MAGI2: variants seen among roughly 807,000 people sequenced by gnomAD.
MAGI2 encodes the protein membrane associated guanylate kinase, WW and PDZ domain containing 2, also known as membrane-associated guanylate kinase, WW and PDZ domain-containing protein 2.
A neutral mutation model predicts 133.3 loss-of-function variants in MAGI2; 35 were observed. The ratio of observed to expected loss-of-function variants is 0.26; its 90% CI spans 0.20 to 0.35. MAGI2 has a LOEUF of 0.35. Ranked by LOEUF, MAGI2 falls within the 10% of genes least tolerant of loss-of-function variation. The pLI is 1.00. For missense variants in MAGI2, 1,636 were observed against 1,863.4 expected, an observed-to-expected ratio of 0.88 and a Z score of 2.25; for synonymous variants, 729 against 710.6, an observed-to-expected ratio of 1.03 and a Z score of -0.41.
intron 1 of MAGI2, among the ~76,000 whole-genome samples, chr7:79,390,135 A>G (rs1056144734): frequency 1.3e-5 from 2 of 152,192 alleles, no homozygotes; most frequent in African/African-American, 4.8e-5. Flanking sequence ...GGAGTTTCCC[A>G]TATGGCCACC....
At chr7:78,556,813 G>T (rs1164245816) in intron 3 of MAGI2, among the ~76,000 whole-genome samples, 2 of 152,096 alleles carry the variant, frequency 1.3e-5, no homozygotes, top group African/African-American at 4.8e-5. Context: ...TTGCCGCCGG[G>T]CATGGTGGCT....
At chr7:78,212,526 C>T (rs970742426) in intron 10 of MAGI2, among the ~76,000 whole-genome samples, 1 of 152,216 alleles carries the variant, frequency 6.6e-6, no homozygotes, top group Non-Finnish European at 1.5e-5. Context: ...TCTCTTCTAA[C>T]AACTACAGAA....
intron 9 of MAGI2, among the ~76,000 whole-genome samples, chr7:78,272,822 G>A (rs977639424): frequency 1.3e-5 from 2 of 151,980 alleles, no homozygotes; most frequent in Admixed American, 6.6e-5. Context: ...TTTATTTTGA[G>A]TCTATGTGTG....
At chr7:79,416,078 G>A (rs1034534405) in intron 1 of MAGI2, among the ~76,000 whole-genome samples, 3 of 152,132 alleles carry the variant, frequency 2.0e-5, no homozygotes, top group Non-Finnish European at 4.4e-5. Flanking sequence ...AGTCCATAGA[G>A]CTTGCTTCAA....
In MAGI2 at chr7:78,344,069, G is replaced by A. The variant is rs939047790; in HGVS notation, c.1226-109C>T. On this transcript the variant is annotated intron_variant, in intron 8 of 21. Coordinates refer to ENST00000354212, the MANE Select transcript of MAGI2 (RefSeq NM_012301.4). ...CGACAATCCCAGGGGTAAATGTGGG[G>A]GGTCTTATACAGCAAATGCAAGCAG... 5 of 940,530 alleles carry A rather than the reference G, an allele frequency of 5.3e-6. No individual in the cohort carries two copies. The South Asian group carries it at 8.2e-5, about 15-fold the overall frequency. 58.3% of individuals were successfully genotyped at this position (940,530 alleles called of 1,614,324 possible).
chr7:79,244,933 C>A (rs1350476496), intron 1 of MAGI2, among the ~76,000 whole-genome samples: 1 of 152,182 alleles, frequency 6.6e-6, no homozygotes, highest in Admixed American at 6.5e-5. Flanking sequence ...TAGGATAGAG[C>A]AACAGGCAGT....
At chr7:78,895,544 C>T (rs1014324752) in intron 2 of MAGI2, among the ~76,000 whole-genome samples, 2 of 151,568 alleles carry the variant, frequency 1.3e-5, no homozygotes, top group Non-Finnish European at 2.9e-5. Flanking sequence ...TGGCTTTACT[C>T]AGTGTAGAAG....
intron 9 of MAGI2, among the ~76,000 whole-genome samples, chr7:78,324,985 CAAAAT>C (rs1016811264): frequency 6.6e-6 from 1 of 151,996 alleles, no homozygotes; most frequent in African/African-American, 2.4e-5. Flanking sequence ...TAAATAAATA[CAAAAT>C]AAAATAAAAC....
intron 1 of MAGI2, among the ~76,000 whole-genome samples, chr7:79,037,516 C>T (rs1416790145): frequency 6.6e-6 from 1 of 152,036 alleles, no homozygotes; most frequent in East Asian, 1.9e-4. Context: ...CTACAGTCAC[C>T]TAAATTTGGG....
chr7:78,256,150 C>T lies in MAGI2; in HGVS notation c.1840G>A (p.Gly614Ser). The T allele has an allele frequency of 1.2e-6, 2 of 1,613,888 alleles. No individual in the cohort carries two copies. Among genetic ancestry groups the T allele is most frequent in the Non-Finnish European group, 1.7e-6 (2 of 1,179,962 alleles). The change falls in exon 10 of 22, where the codon GGC (glycine) becomes AGC (serine). Residue 614 changes from glycine (G) to serine (S), a missense_variant. Physicochemically the swap from Gly to Ser is moderately conservative, Grantham distance 56. Transcript: ENST00000354212. Reference sequence around the variant, plus strand: ...CTGTCGGCAATAGTGAAGCCGAAGCCCTGGGCACCTTTCACAATGGTTAAG... The same window carrying T: ...CTGTCGGCAATAGTGAAGCCGAAGCTCTGGGCACCTTTCACAATGGTTAAG... ...MTLTIVKGAQ[G>S]FGFTIADSPT...
At chr7:79,089,996 G>A (rs954454181) in intron 1 of MAGI2, among the ~76,000 whole-genome samples, 5 of 151,208 alleles carry the variant, frequency 3.3e-5, no homozygotes, top group Admixed American at 6.6e-5. Context: ...AGAACTTAAA[G>A]TATAATAAAA....
chr7:79,237,780 A>G (rs751851347), intron 1 of MAGI2, among the ~76,000 whole-genome samples: 1 of 152,170 alleles, frequency 6.6e-6, no homozygotes, highest in Non-Finnish European at 1.5e-5. Context: ...ATATGCCACA[A>G]TGTATTTAAA....
chr7:79,218,621 T>C (rs1369387491), intron 1 of MAGI2, among the ~76,000 whole-genome samples: 1 of 152,068 alleles, frequency 6.6e-6, no homozygotes, highest in East Asian at 1.9e-4. Flanking sequence ...AATTAACATG[T>C]ACCAGTAGAA....
intron 2 of MAGI2, among the ~76,000 whole-genome samples, chr7:78,732,829 G>A (rs978269452): frequency 5.9e-5 from 9 of 151,970 alleles, no homozygotes; most frequent in Non-Finnish European, 5.9e-5. Flanking sequence ...GAGTTTTTTA[G>A]GGTGTAAAGT....
chr7:78,100,594 C>T (rs1422855244), intron 20 of MAGI2, among the ~76,000 whole-genome samples: 1 of 151,912 alleles, frequency 6.6e-6, no homozygotes, highest in African/African-American at 2.4e-5. Context: ...TCAAGTGGTC[C>T]TTGTACCTCC....
chr7:79,183,306 T>G (rs1389841922), intron 1 of MAGI2, among the ~76,000 whole-genome samples: 9 of 151,816 alleles, frequency 5.9e-5, no homozygotes, highest in Admixed American at 5.9e-4. Flanking sequence ...AAATTTCTCA[T>G]GGACCCCATA....
intron 3 of MAGI2, among the ~76,000 whole-genome samples, chr7:78,574,301 T>G (rs1422834518): frequency 6.6e-6 from 1 of 152,232 alleles, no homozygotes; most frequent in East Asian, 1.9e-4. Context: ...TTACAATTTC[T>G]GTTGCTCCCA....
intron 2 of MAGI2, among the ~76,000 whole-genome samples, chr7:78,990,963 G>T (rs1210705589): frequency 7.1e-6 from 1 of 140,460 alleles, no homozygotes; most frequent in East Asian, 2.3e-4. Flanking sequence ...TTGGCTTTTT[G>T]TCCCCACCCA....
At chr7:79,285,759 C>T (rs971614702) in intron 1 of MAGI2, among the ~76,000 whole-genome samples, 6 of 152,026 alleles carry the variant, frequency 3.9e-5, no homozygotes, top group South Asian at 2.1e-4. Context: ...GAATGAACAA[C>T]GATACTCTGA....
Sources: gnomAD v4.1 joint callset for allele counts (sites outside exome capture counted in the v4.1 genomes callset) on GRCh38, gnomAD v4.1.1 for gene constraint, MANE v1.5 for transcripts, NCBI Gene and HGNC (gene_info 2026-07-23, HGNC 2026-07-21) for gene names.